Variants in PGM5 observed in about 807,000 individuals in gnomAD.
PGM5 encodes the protein phosphoglucomutase 5.
A neutral mutation model predicts 59.2 loss-of-function variants in PGM5; 23 were observed. That is an observed-to-expected ratio of 0.39 (90% CI 0.28 to 0.55). The LOEUF (loss-of-function observed/expected upper bound fraction) is 0.55. PGM5 is among the 20% of genes least tolerant of loss of function. The pLI, the probability that PGM5 is intolerant of heterozygous loss-of-function variation, is 0.66. For synonymous variants in PGM5, 214 were observed against 286.0 expected (o/e 0.75, Z 2.54); for missense variants, 574 against 748.3 (o/e 0.77, Z 2.72).
chr9:68,504,433 C>T (rs371881238), intron 10 of PGM5, among the ~76,000 whole-genome samples: 1 of 152,156 alleles, frequency 6.6e-6, no homozygotes, highest in South Asian at 2.1e-4. Flanking sequence ...GAAATGGCCC[C>T]CTTCTCCCTC....
intron 6 of PGM5, among the ~76,000 whole-genome samples, chr9:68,442,755 T>C (rs1175147713): frequency 6.6e-6 from 1 of 152,254 alleles, no homozygotes. Context: ...TTTTAACAGA[T>C]ACTTCACCAG....
intron 10 of PGM5, among the ~76,000 whole-genome samples, chr9:68,523,691 T>C (rs1337070251): frequency 1.3e-5 from 2 of 152,192 alleles, no homozygotes; most frequent in Non-Finnish European, 2.9e-5. Context: ...TTGTATTGCC[T>C]GCCCCGAAAG....
intron 6 of PGM5, among the ~76,000 whole-genome samples, chr9:68,421,065 T>C (rs1823120956): frequency 6.6e-6 from 1 of 152,234 alleles, no homozygotes; most frequent in Non-Finnish European, 1.5e-5. Context: ...GATGAGTATA[T>C]GTGTGCATAT....
At chr9:68,391,429 T>C (rs1291345860) in intron 4 of PGM5, 105 bp from the exon 5 acceptor site, 1 of 832,352 alleles carries the variant, frequency 1.2e-6, no homozygotes, top group Non-Finnish European at 1.9e-6. Context: ...TAAATTTATG[T>C]TTTTCTTCTG....
In PGM5 at chr9:68,499,219, G is replaced by T; in HGVS notation, c.1480-8G>T. On this transcript the variant is annotated splice_polypyrimidine_tract_variant and splice_region_variant and intron_variant, in intron 9 of 10. Coordinates refer to ENST00000396396, the MANE Select transcript of PGM5 (RefSeq NM_021965.4). ...TCACTGCTCCATTCTGGATGTTCTT[G>T]GTCTCAGGGCCTAAGGATCATTTTC... 5 of 1,613,928 alleles carry T rather than the reference G, an allele frequency of 3.1e-6. No individual in the cohort carries two copies. The highest frequency in any genetic ancestry group is 4.2e-6 in the Non-Finnish European group (5 of 1,179,920).
intron 2 of PGM5, among the ~76,000 whole-genome samples, chr9:68,380,193 A>G (rs1272174192): frequency 1.3e-5 from 2 of 152,110 alleles, no homozygotes; most frequent in African/African-American, 2.4e-5. Context: ...ACCATATGTT[A>G]GGCCACAAAA....
intron 6 of PGM5, among the ~76,000 whole-genome samples, chr9:68,406,904 C>G (rs1290202090): frequency 6.6e-6 from 1 of 150,880 alleles, no homozygotes; most frequent in Non-Finnish European, 1.5e-5. Flanking sequence ...GTGCTCAGGC[C>G]CCGTCTTCCA....
At chr9:68,376,861 CTTTTTT>C (rs1821925914) in intron 1 of PGM5, among the ~76,000 whole-genome samples, 1 of 71,078 alleles carries the variant, frequency 1.4e-5, no homozygotes, top group African/African-American at 5.6e-5. Context: ...CTCTTTCTTT[CTTTTTT>C]CTTTCTCTTT....
rs538715064 is a variant in PGM5, at chr9:68,530,793, T to C, written c.*1137T>C. On this transcript the variant is annotated 3_prime_UTR_variant, in exon 11 of 11. Transcript: ENST00000396396. ...GTACTGCCGGTCTAGCAGCCTCCTC[T>C]GTACTCAGCCAGGACACCCAGCGCG... The C allele has an allele frequency of 3.9e-5, 6 of 152,252 alleles. No homozygotes were observed. Among genetic ancestry groups the C allele is most frequent in the Non-Finnish European group, 8.8e-5 (6 of 68,062 alleles). 9.4% of individuals were successfully genotyped at this position (152,252 alleles called of 1,614,324 possible). A position where few individuals can be genotyped will look rare whatever the true frequency, so the allele number is the denominator to read the frequency against.
chr9:68,434,804 T>C (rs527340662), intron 6 of PGM5, among the ~76,000 whole-genome samples: 16 of 151,358 alleles, frequency 1.1e-4, no homozygotes, highest in Middle Eastern at 6.8e-3. Context: ...AAAAAAATGG[T>C]GATCTCTCTG....
At chr9:68,411,818 A>G (rs1390890787) in intron 6 of PGM5, among the ~76,000 whole-genome samples, 10 of 152,068 alleles carry the variant, frequency 6.6e-5, no homozygotes, top group Non-Finnish European at 1.5e-4. Flanking sequence ...GGGAATCGGA[A>G]CTTGTGGCTG....
chr9:68,377,685 T>A (rs1459896029), intron 1 of PGM5, among the ~76,000 whole-genome samples: 7 of 152,252 alleles, frequency 4.6e-5, no homozygotes, highest in African/African-American at 9.6e-5. Flanking sequence ...GAATTCCTAC[T>A]TTCAGGAGAA....
chr9:68,388,203 A>G (rs1475905672), intron 4 of PGM5, among the ~76,000 whole-genome samples: 21 of 140,080 alleles, frequency 1.5e-4, no homozygotes, highest in African/African-American at 5.6e-4. Context: ...TAAGATCATT[A>G]TCTAGTGTTT....
At chr9:68,365,730 C>T (rs1248305167) in intron 1 of PGM5, among the ~76,000 whole-genome samples, 8 of 152,066 alleles carry the variant, frequency 5.3e-5, no homozygotes, top group Non-Finnish European at 1.0e-4. Context: ...TTCTTTTTCT[C>T]TAGTAAACAT....
chr9:68,391,688 A>G lies in PGM5; in HGVS notation c.852A>G (p.Gly284=). The G allele has an allele frequency of 2.5e-6, 4 of 1,613,132 alleles. No individual in the cohort carries two copies. Among genetic ancestry groups the G allele is most frequent in the Non-Finnish European group, 2.5e-6 (3 of 1,179,360 alleles). ...CTCTTCTGGAAGCAATGAAAGGAGG[A>G]GAATATGGATTTGGAGCTGCATTTG... ...ATTLLEAMKG[G]EYGFGAAFDA... Residue 284 remains glycine (G), a synonymous_variant, in exon 5 of 11, where the codon GGA becomes GGG. Transcript: ENST00000396396.
Position 68,530,613 on chromosome 9 carries a change from G to A in PGM5, c.*957G>A, listed in dbSNP as rs1825064338. Reference sequence around the variant, plus strand: ...GATCTTATTTGTAAAGGCTGCAAAAGGAGAGGATGAAATGCTGTAAAAGTA... The same window carrying A: ...GATCTTATTTGTAAAGGCTGCAAAAAGAGAGGATGAAATGCTGTAAAAGTA... On this transcript the variant is annotated 3_prime_UTR_variant, in exon 11 of 11. Coordinates refer to ENST00000396396, the MANE Select transcript of PGM5 (RefSeq NM_021965.4). 6.6e-6 allele frequency: 1 copy of A among 152,270 alleles called. No individual in the cohort carries two copies. The highest frequency in any genetic ancestry group is 2.1e-4 in the South Asian group (1 of 4,830). The allele number at this position is 152,270 out of a possible 1,614,324, so 9.4% of individuals were successfully genotyped here. A position where few individuals can be genotyped will look rare whatever the true frequency, so the allele number is the denominator to read the frequency against.
chr9:68,512,781 C>T (rs1226069582), intron 10 of PGM5, among the ~76,000 whole-genome samples: 2 of 152,192 alleles, frequency 1.3e-5, no homozygotes, highest in Non-Finnish European at 2.9e-5. Context: ...AAGACAAATT[C>T]AACCCATAAT....
intron 10 of PGM5, among the ~76,000 whole-genome samples, chr9:68,513,326 A>G (rs1325205841): frequency 6.6e-6 from 1 of 152,232 alleles, no homozygotes; most frequent in Admixed American, 6.5e-5. Context: ...TATTCATGAA[A>G]TCAAATTCCT....
In PGM5 at chr9:68,356,707, G is replaced by T. The variant is rs1554675656; in HGVS notation, c.-421G>T. Among the ~76,000 whole-genome samples the T allele has an allele frequency of 6.6e-6, 1 of 152,264 alleles. No individual in the cohort carries two copies. Among genetic ancestry groups the T allele is most frequent in the African/African-American group, 2.4e-5 (1 of 41,476 alleles). ...CCCGCCGGCTGTTTTCTGGCGGAGG[G>T]TGTGCCCCGGAGGGCGGCGATCGCG... is the stretch of plus-strand genomic sequence containing the variant. On this transcript the variant is annotated 5_prime_UTR_variant, in exon 1 of 11. Coordinates refer to ENST00000396396, the MANE Select transcript of PGM5 (RefSeq NM_021965.4).
Sources: allele counts gnomAD v4.1 joint callset (sites outside exome capture counted in the v4.1 genomes callset), GRCh38; gene constraint gnomAD v4.1.1; transcripts MANE v1.5; gene names NCBI Gene and HGNC (gene_info 2026-07-23, HGNC 2026-07-21).